Variants in CELF4 observed in about 807,000 individuals in gnomAD.
CELF4 encodes the protein CUGBP Elav-like family member 4.
In CELF4, 18 loss-of-function variants were observed where a neutral mutation model predicts 59.9. That is an observed-to-expected ratio of 0.30 (90% CI 0.21 to 0.45). CELF4 has a LOEUF of 0.45. CELF4 is among the 20% of genes least tolerant of loss of function. CELF4 has a pLI of 1.00. For missense variants in CELF4, 456 were observed against 689.0 expected (o/e 0.66, Z 3.79); for synonymous variants, 261 against 267.1 (o/e 0.98, Z 0.22).
intron 1 of CELF4, among the ~76,000 whole-genome samples, chr18:37,530,230 C>T (rs1285063018): frequency 6.6e-6 from 1 of 152,188 alleles, no homozygotes; most frequent in East Asian, 1.9e-4. Flanking sequence ...ATTTAATTCT[C>T]ACCACAACTC....
intron 2 of CELF4, among the ~76,000 whole-genome samples, chr18:37,377,732 T>A (rs2098987262): frequency 6.6e-6 from 1 of 152,016 alleles, no homozygotes; most frequent in Non-Finnish European, 1.5e-5. Flanking sequence ...GGGGTTGGGG[T>A]CAGAGGCAGG....
At chr18:37,249,188 C>G (rs918026310) in intron 12 of CELF4, among the ~76,000 whole-genome samples, 3 of 152,098 alleles carry the variant, frequency 2.0e-5, no homozygotes, top group African/African-American at 7.2e-5. Context: ...TCCTGAAATG[C>G]CACTTCCAAC....
intron 3 of CELF4, among the ~76,000 whole-genome samples, chr18:37,294,353 A>T (rs1293096787): frequency 6.6e-6 from 1 of 152,162 alleles, no homozygotes; most frequent in Non-Finnish European, 1.5e-5. Context: ...ATGGCCATAG[A>T]TGTCACCAGG....
intron 2 of CELF4, among the ~76,000 whole-genome samples, chr18:37,374,453 C>T (rs1257152113): frequency 6.6e-6 from 1 of 152,160 alleles, no homozygotes; most frequent in Non-Finnish European, 1.5e-5. Flanking sequence ...CTGAGGAGCC[C>T]ACTCCTCTCT....
intron 3 of CELF4, among the ~76,000 whole-genome samples, chr18:37,312,996 C>T (rs985347611): frequency 6.0e-4 from 91 of 152,208 alleles, no homozygotes; most frequent in African/African-American, 2.1e-3. Context: ...GCCCACCTTT[C>T]GGAGGCCTCT....
chr18:37,504,229 G>A (rs777288928), intron 1 of CELF4, among the ~76,000 whole-genome samples: 3 of 152,140 alleles, frequency 2.0e-5, no homozygotes, highest in Admixed American at 1.3e-4. Flanking sequence ...AGTGGCTCAC[G>A]CCTGTAATCC....
At chr18:37,553,243 CTG>C (rs1345630487) in intron 1 of CELF4, among the ~76,000 whole-genome samples, 3 of 152,152 alleles carry the variant, frequency 2.0e-5, no homozygotes, top group Non-Finnish European at 4.4e-5. Context: ...CAGTCATACT[CTG>C]TGTCTTTGTC....
chr18:37,518,893 A>C (rs897523218), intron 1 of CELF4, among the ~76,000 whole-genome samples: 1 of 152,222 alleles, frequency 6.6e-6, no homozygotes, highest in Non-Finnish European at 1.5e-5. Flanking sequence ...GTCTCCATAC[A>C]TGCACATGCA....
chr18:37,518,049 G>A (rs2099952856), intron 1 of CELF4, among the ~76,000 whole-genome samples: 1 of 152,124 alleles, frequency 6.6e-6, no homozygotes, highest in Admixed American at 6.5e-5. Flanking sequence ...CAGAGCTGGT[G>A]GGTGGCACTG....
At chr18:37,472,481 C>T (rs1282321256) in intron 2 of CELF4, among the ~76,000 whole-genome samples, 1 of 152,248 alleles carries the variant, frequency 6.6e-6, no homozygotes, top group Admixed American at 6.5e-5. Flanking sequence ...GCAAGAGTGG[C>T]AGCTGTAGAG....
At position 37,246,527 on chromosome 18, in the gene CELF4, G is replaced by GA. The variant is rs978291776; in HGVS notation, c.*45-1331_*45-1330insT. ...CAGAGGCCTCTGGCTTTGTACTCTA[G>GA]TTTTTTGGTTTAGAATTTTTTTATC... On this transcript the variant is annotated intron_variant, in intron 12 of 12. Transcript: ENST00000420428. This position sits in a 1 kb window ranked among gnomAD's most constrained non-coding sequence, Gnocchi z 5.3. Among the ~76,000 whole-genome samples the GA allele has an allele frequency of 6.6e-6, 1 of 151,700 alleles. No homozygotes were observed. Among genetic ancestry groups the GA allele is most frequent in the Admixed American group, 6.6e-5 (1 of 15,262 alleles).
At chr18:37,426,859 C>T (rs757152275) in intron 2 of CELF4, among the ~76,000 whole-genome samples, 3 of 151,898 alleles carry the variant, frequency 2.0e-5, no homozygotes, top group East Asian at 1.9e-4. Flanking sequence ...GAGATGAGCA[C>T]GGCTGCTTCT....
intron 2 of CELF4, among the ~76,000 whole-genome samples, chr18:37,371,470 C>T (rs113261925): frequency 2.6e-5 from 4 of 152,208 alleles, no homozygotes; most frequent in African/African-American, 7.2e-5. Context: ...TCTTGCCCAG[C>T]GCCTTCTCTG....
intron 2 of CELF4, among the ~76,000 whole-genome samples, chr18:37,379,843 A>G (rs1382298889): frequency 2.6e-5 from 4 of 152,100 alleles, no homozygotes; most frequent in Admixed American, 6.5e-5. Context: ...GTGTGCATGG[A>G]GCATGGTGTT....
At chr18:37,460,229 A>G (rs561682887) in intron 2 of CELF4, among the ~76,000 whole-genome samples, 9 of 152,336 alleles carry the variant, frequency 5.9e-5, no homozygotes, top group African/African-American at 1.9e-4. Context: ...TGAAAACTCA[A>G]GTCCAGAGAT....
chr18:37,364,496 T>TG (rs1010417674), intron 2 of CELF4, among the ~76,000 whole-genome samples: 3 of 152,154 alleles, frequency 2.0e-5, no homozygotes, highest in African/African-American at 7.2e-5. Context: ...GATCCAGCAC[T>TG]GGGGCTCCAG....
chr18:37,550,821 T>C (rs112647139), intron 1 of CELF4, among the ~76,000 whole-genome samples: 1,806 of 152,298 alleles, frequency 0.012, 24 homozygotes, highest in African/African-American at 0.041. Context: ...TTCCCCCCGA[T>C]TAGAGACGTT....
intron 2 of CELF4, among the ~76,000 whole-genome samples, chr18:37,379,323 T>A (rs1303349962): frequency 6.6e-6 from 1 of 151,832 alleles, no homozygotes; most frequent in East Asian, 1.9e-4. Context: ...GAAGCTCAGG[T>A]GGGCTGCCAT....
chr18:37,468,418 G>A (rs1461229346), intron 2 of CELF4, among the ~76,000 whole-genome samples: 1 of 152,172 alleles, frequency 6.6e-6, no homozygotes, highest in East Asian at 1.9e-4. Flanking sequence ...CAGGGCAGGG[G>A]TTGGGAAGCC....
Sources: allele counts gnomAD v4.1 joint callset (sites outside exome capture counted in the v4.1 genomes callset), GRCh38; gene constraint gnomAD v4.1.1; non-coding constraint Gnocchi (gnomAD v3.1); transcripts MANE v1.5; gene names NCBI Gene and HGNC (gene_info 2026-07-23, HGNC 2026-07-21).